Variants in VRK2 observed in about 807,000 individuals in gnomAD.
VRK2 encodes VRK serine/threonine kinase 2.
In VRK2, 60 loss-of-function variants were observed where a neutral mutation model predicts 57.6. The ratio of observed to expected loss-of-function variants is 1.04; its 90% confidence interval spans 0.85 to 1.29. The LOEUF (loss-of-function observed/expected upper bound fraction) is 1.29, where lower values mean the gene tolerates loss of function less well. VRK2 is among the 50% of genes most tolerant of loss of function. The probability of loss-of-function intolerance (pLI) is 0.00; values close to 1 mark genes in which losing one functional copy is unlikely to be tolerated. For synonymous variants in VRK2, 231 were observed against 199.2 expected (o/e 1.16, Z -1.35); for missense variants, 705 against 588.1 (o/e 1.20, Z -2.06).
At chr2:58,016,807 T>A (rs1216213917) in intron 1 of VRK2, among the ~76,000 whole-genome samples, 1 of 152,224 alleles carries the variant, frequency 6.6e-6, no homozygotes, top group African/African-American at 2.4e-5. Flanking sequence ...TTTCTTGGAA[T>A]AAATCTGTTT....
At chr2:58,145,137 C>G (rs1681922487) in intron 11 of VRK2, among the ~76,000 whole-genome samples, 1 of 151,984 alleles carries the variant, frequency 6.6e-6, no homozygotes, top group Non-Finnish European at 1.5e-5. Flanking sequence ...CATATAAGGA[C>G]CTTCGCTGTA....
At chr2:57,961,992 G>A (rs1323620062) in intron 1 of VRK2, among the ~76,000 whole-genome samples, 3 of 152,170 alleles carry the variant, frequency 2.0e-5, no homozygotes, top group Admixed American at 6.5e-5. Flanking sequence ...TGGGAGGATC[G>A]TTTGAGCCCA....
intron 1 of VRK2, among the ~76,000 whole-genome samples, chr2:57,937,309 C>T (rs1670946428): frequency 6.6e-6 from 1 of 152,276 alleles, no homozygotes; most frequent in African/African-American, 2.4e-5. Flanking sequence ...ACCCCTCATG[C>T]TCTTGAAATG....
intron 7 of VRK2, among the ~76,000 whole-genome samples, chr2:58,107,967 G>A (rs986615595): frequency 2.0e-5 from 3 of 152,106 alleles, no homozygotes; most frequent in Non-Finnish European, 2.9e-5. Context: ...GAAAGCAGCA[G>A]ATTTTACCCT....
At chr2:58,034,846 G>C (rs35000920) in intron 3 of VRK2, among the ~76,000 whole-genome samples, 1 of 151,866 alleles carries the variant, frequency 6.6e-6, no homozygotes, top group Non-Finnish European at 1.5e-5. Context: ...CTGTACACTA[G>C]GTACTATTCT....
chr2:57,934,085 C>G (rs960719996), intron 1 of VRK2, among the ~76,000 whole-genome samples: 11 of 152,084 alleles, frequency 7.2e-5, no homozygotes, highest in African/African-American at 2.7e-4. Flanking sequence ...ATTTTTATAT[C>G]ATGTATCTGT....
At chr2:57,981,441 C>T (rs1291473887) in intron 1 of VRK2, among the ~76,000 whole-genome samples, 1 of 152,118 alleles carries the variant, frequency 6.6e-6, no homozygotes, top group African/African-American at 2.4e-5. Flanking sequence ...ATATTACCTA[C>T]CCCTTCTCTT....
At chr2:58,095,293 CAA>C (rs1231159019) in intron 7 of VRK2, among the ~76,000 whole-genome samples, 15 of 66,620 alleles carry the variant, frequency 2.3e-4, no homozygotes, top group Admixed American at 3.4e-4. Flanking sequence ...GACTCCGTCT[CAA>C]AAAAAAAAAA....
chr2:57,982,054 A>G (rs1270190670), intron 1 of VRK2, among the ~76,000 whole-genome samples: 3 of 152,036 alleles, frequency 2.0e-5, no homozygotes, highest in Non-Finnish European at 4.4e-5. Flanking sequence ...TTTTGGATGG[A>G]GCTTTTTGCT....
At chr2:57,932,342 G>A (rs1015039907) in intron 1 of VRK2, among the ~76,000 whole-genome samples, 3 of 151,916 alleles carry the variant, frequency 2.0e-5, no homozygotes, top group East Asian at 1.9e-4. Flanking sequence ...TCATTTTTCC[G>A]GAGATTTTTG....
At chr2:58,119,447 A>C (rs562705318) in intron 7 of VRK2, among the ~76,000 whole-genome samples, 25 of 150,216 alleles carry the variant, frequency 1.7e-4, no homozygotes, top group African/African-American at 5.4e-4. Flanking sequence ...ACTGCACTCC[A>C]ACCTGGGTGA....
chr2:58,047,087 A>C, intron 1 of VRK2: 3 of 643,914 alleles, frequency 4.7e-6, no homozygotes, highest in African/African-American at 2.0e-5. Flanking sequence ...GTCCCCTTCT[A>C]CTCACGTTTG....
chr2:58,073,970 C>G (rs569902851), intron 2 of VRK2, among the ~76,000 whole-genome samples: 20 of 152,114 alleles, frequency 1.3e-4, no homozygotes, highest in African/African-American at 4.1e-4. Flanking sequence ...TCCCAGCCCA[C>G]GACTCAAATG....
At chr2:57,925,525 C>A (rs188132098) in intron 1 of VRK2, among the ~76,000 whole-genome samples, 1 of 151,960 alleles carries the variant, frequency 6.6e-6, no homozygotes, top group Admixed American at 6.6e-5. Flanking sequence ...CTGCAAATTT[C>A]TGTGGTATTT....
At chr2:57,937,906 A>T (rs1278692913) in intron 1 of VRK2, among the ~76,000 whole-genome samples, 1 of 134,768 alleles carries the variant, frequency 7.4e-6, no homozygotes, top group Non-Finnish European at 1.5e-5. Flanking sequence ...ATCTCGGCTC[A>T]CTGCAACCTC....
Position 58,086,304 on chromosome 2 carries a change from C to T in VRK2, c.257-35C>T, listed in dbSNP as rs1164852996. 13 of 1,542,568 alleles carry T rather than the reference C, an allele frequency of 8.4e-6. No homozygotes were observed. In the East Asian group the frequency reaches 3.0e-4, roughly 35 times the overall value. On this transcript the variant is annotated intron_variant, in intron 4 of 12. Transcript: ENST00000340157. ...AGGTGACAAGTATCTTTTCAAATAA[C>T]ATGAATCTTTTTAAAAATAAATTTG...
intron 1 of VRK2, among the ~76,000 whole-genome samples, chr2:57,937,604 A>T (rs767798554): frequency 2.6e-5 from 4 of 152,340 alleles, no homozygotes; most frequent in African/African-American, 9.6e-5. Context: ...GAAAGCCAGG[A>T]AGTAAACAGA....
chr2:57,953,783 G>A (rs1052422661), intron 1 of VRK2, among the ~76,000 whole-genome samples: 4 of 151,762 alleles, frequency 2.6e-5, no homozygotes, highest in Non-Finnish European at 4.4e-5. Context: ...AAAGTCCTTC[G>A]GACTCTATAT....
chr2:58,135,240 A>G, intron 10 of VRK2, 41 bp downstream of exon 10: 1 of 1,609,882 alleles, frequency 6.2e-7, no homozygotes, highest in Non-Finnish European at 8.5e-7. Context: ...TACGATTTAC[A>G]GGTTGCCACA....
Sources: allele counts gnomAD v4.1 joint callset (sites outside exome capture counted in the v4.1 genomes callset), GRCh38; gene constraint gnomAD v4.1.1; transcripts MANE v1.5; gene names NCBI Gene and HGNC (gene_info 2026-07-23, HGNC 2026-07-21).